AHCYL1: variants seen among roughly 807,000 people sequenced by gnomAD.
The protein encoded by AHCYL1 is S-adenosylhomocysteine hydrolase-like protein 1.
A neutral mutation model predicts 79.3 loss-of-function variants in AHCYL1; 20 were observed. That is an observed-to-expected ratio of 0.25 (90% CI 0.18 to 0.37). The LOEUF (loss-of-function observed/expected upper bound fraction) is 0.37. Among genes scored for constraint, AHCYL1 ranks in the 10% least tolerant of loss-of-function variants. The pLI is 1.00. For synonymous variants in AHCYL1, 223 were observed against 242.2 expected (o/e 0.92, Z 0.74); for missense variants, 330 against 673.6 (o/e 0.49, Z 5.65).
Position 110,018,578 on chromosome 1 carries a change from G to A in AHCYL1, c.1245G>A (p.Thr415=), listed in dbSNP as rs750594180. The A allele has an allele frequency of 9.9e-6, 16 of 1,613,946 alleles. 2 individuals are homozygous for A. Among genetic ancestry groups the A allele is most frequent in the South Asian group, 8.8e-5 (8 of 91,076 alleles). ...CCAGCCTCCGCACTCCGGAGCTGAC[G>A]TGGGAGCGAGTACGTTCTCAGGTGG... ...DVTSLRTPEL[T]WERVRSQVDH... is the part of the protein sequence containing the mutation. Residue 415 remains threonine (T), a synonymous_variant, in exon 13 of 17, where the codon ACG becomes ACA. Coordinates refer to ENST00000369799, the MANE Select transcript of AHCYL1 (RefSeq NM_006621.7).
Position 110,009,091 on chromosome 1 carries a change from C to G in AHCYL1, c.178C>G (p.Arg60Gly). Residue 60 changes from arginine (R) to glycine (G), a missense_variant, in exon 2 of 17, where the codon CGA becomes GGA. Physicochemically the swap from Arg to Gly is moderately radical, Grantham distance 125. Transcript: ENST00000369799. ...CACCAAATTCCCCACCAAAACTGGC[C>G]GAAGATCTTTGTCTCGCTCGATCTC... The part of the protein sequence containing the change: ...EFTKFPTKTG[R>G]RSLSRSISQS... The G allele has an allele frequency of 1.2e-6, 2 of 1,613,990 alleles. No individual in the cohort carries two copies. Among genetic ancestry groups the G allele is most frequent in the Non-Finnish European group, 1.7e-6 (2 of 1,179,910 alleles).
intron 1 of AHCYL1, among the ~76,000 whole-genome samples, chr1:109,994,205 T>G (rs1158579693): frequency 6.6e-6 from 1 of 152,228 alleles, no homozygotes; most frequent in Non-Finnish European, 1.5e-5. Flanking sequence ...ACTTCAAGTG[T>G]ATAACTTAGG....
rs1469970054 is a variant in AHCYL1 at position 110,019,032 on chromosome 1, C to T, written c.1318-19C>T. 1.9e-6 allele frequency: 3 copies of T among 1,613,284 alleles called. No homozygotes were observed. The highest frequency in any genetic ancestry group is 3.3e-5 in the Admixed American group (2 of 60,006). On this transcript the variant is annotated intron_variant, in intron 13 of 16. Transcript: ENST00000369799. ...ATCTGAGACAGAGCTCATCCCAGGG[C>T]TCTCTCTTACCTTTCCAGGGTCGTC...
At chr1:110,008,951 G>T in intron 1 of AHCYL1, 83 bp from the exon 2 acceptor site, 4 of 1,077,296 alleles carry the variant, frequency 3.7e-6, no homozygotes, top group Middle Eastern at 2.1e-4. Flanking sequence ...GGCTTTTAGG[G>T]AAAGACAATG....
intron 1 of AHCYL1, among the ~76,000 whole-genome samples, chr1:109,993,950 G>A (rs981908032): frequency 1.3e-5 from 2 of 152,142 alleles, no homozygotes; most frequent in Non-Finnish European, 2.9e-5. Context: ...AAGTACATTG[G>A]AACTCTGAAA....
chr1:110,014,936 T>G (rs1019947824), intron 6 of AHCYL1, 79 bp downstream of exon 6: 1 of 1,339,402 alleles, frequency 7.5e-7, no homozygotes, highest in African/African-American at 1.4e-5. Flanking sequence ...TCCCTAAATA[T>G]GTTTTGGATG....
At position 110,023,074 on chromosome 1, in the gene AHCYL1, A is replaced by G. The variant is rs1021387189; in HGVS notation, c.*1394A>G. 3 of 152,618 alleles carry G rather than the reference A, an allele frequency of 2.0e-5. No individual in the cohort carries two copies. The highest frequency in any genetic ancestry group is 7.2e-5 in the African/African-American group (3 of 41,446). 9.5% of individuals were successfully genotyped at this position (152,618 alleles called of 1,614,324 possible). On this transcript the variant is annotated 3_prime_UTR_variant, in exon 17 of 17. Transcript: ENST00000369799. ...CTTTATGCTCATGAGCTTTAAGTAT[A>G]TAATTATCCAGGATTTTAAATCCTC...
chr1:109,992,335 A>T (rs1649807926), intron 1 of AHCYL1, among the ~76,000 whole-genome samples: 1 of 148,180 alleles, frequency 6.7e-6, no homozygotes, highest in Non-Finnish European at 1.5e-5. Context: ...GCTTGAACCC[A>T]GGAGGTGGAG....
intron 1 of AHCYL1, among the ~76,000 whole-genome samples, chr1:110,007,928 A>G (rs551814196): frequency 6.6e-6 from 1 of 152,234 alleles, no homozygotes; most frequent in South Asian, 2.1e-4. Context: ...AATAATATCA[A>G]TTGCAAGCTA....
At chr1:110,014,677 T>G in intron 5 of AHCYL1, 86 bp from the exon 6 acceptor site, 2 of 1,022,018 alleles carry the variant, frequency 2.0e-6, no homozygotes, top group Non-Finnish European at 2.9e-6. Flanking sequence ...CTTTTGCCTT[T>G]TTCTCTTCAC....
At chr1:110,021,529 G>C in intron 16 of AHCYL1, 145 bp from the exon 17 acceptor site, 1 of 661,404 alleles carries the variant, frequency 1.5e-6, no homozygotes, top group Non-Finnish European at 2.6e-6. Context: ...GGAAGAATAA[G>C]GGAGACTGGT....
chr1:110,003,295 A>G (rs990488121), intron 1 of AHCYL1, among the ~76,000 whole-genome samples: 5 of 152,126 alleles, frequency 3.3e-5, no homozygotes, highest in African/African-American at 1.2e-4. Context: ...CATGTTTGCA[A>G]CCTTTATTTT....
At chr1:110,007,070 C>T (rs192235068) in intron 1 of AHCYL1, among the ~76,000 whole-genome samples, 154 of 152,174 alleles carry the variant, frequency 1.0e-3, no homozygotes, top group Non-Finnish European at 1.5e-3. Flanking sequence ...TATGACTATT[C>T]GGTTTTTAAG....
chr1:109,992,408 CAAAA>C (rs57891226), intron 1 of AHCYL1, among the ~76,000 whole-genome samples: 1 of 72,770 alleles, frequency 1.4e-5, no homozygotes, highest in Non-Finnish European at 3.1e-5. Flanking sequence ...GACTCCGTCT[CAAAA>C]AAAAAAAAAA....
intron 16 of AHCYL1, 89 bp from the exon 17 acceptor site, chr1:110,021,585 C>T: frequency 7.5e-7 from 1 of 1,331,640 alleles, no homozygotes; most frequent in East Asian, 2.4e-5. Flanking sequence ...TGGGGAGGGG[C>T]CCTGGAGAAG....
chr1:110,017,859 TA>T (rs1651521203), intron 10 of AHCYL1, 86 bp from the exon 11 acceptor site: 1 of 1,376,570 alleles, frequency 7.3e-7, no homozygotes, highest in Non-Finnish European at 1.0e-6. Context: ...TGGATCCAAC[TA>T]GAAGGGGATC....
At chr1:110,004,991 T>C (rs1650555898) in intron 1 of AHCYL1, among the ~76,000 whole-genome samples, 1 of 151,948 alleles carries the variant, frequency 6.6e-6, no homozygotes, top group Admixed American at 6.6e-5. Flanking sequence ...TATTGTTACT[T>C]TTTTTTTGCT....
intron 1 of AHCYL1, among the ~76,000 whole-genome samples, chr1:110,005,257 CA>C (rs1317112860): frequency 6.6e-6 from 1 of 152,154 alleles, no homozygotes; most frequent in Non-Finnish European, 1.5e-5. Context: ...TAGTTCTTGA[CA>C]CTTAGGAAGA....
chr1:109,991,589 C>G (rs1160963736), intron 1 of AHCYL1, among the ~76,000 whole-genome samples: 1 of 152,182 alleles, frequency 6.6e-6, no homozygotes, highest in Non-Finnish European at 1.5e-5. Context: ...ATTTGAGGAA[C>G]TGCTCAGCAA....
Sources: allele counts gnomAD v4.1 joint callset (sites outside exome capture counted in the v4.1 genomes callset), GRCh38; gene constraint gnomAD v4.1.1; transcripts MANE v1.5; gene names NCBI Gene and HGNC (gene_info 2026-07-23, HGNC 2026-07-21).